PHIP: variants seen among roughly 807,000 people sequenced by gnomAD.
PHIP encodes the protein PHIP subunit of CUL4-Ring ligase complex.
In PHIP, 54 loss-of-function variants were observed where a neutral mutation model predicts 236.8. The observed-to-expected ratio is 0.23, with a 90% confidence interval of 0.18 to 0.29. The LOEUF is 0.29. PHIP is among the 10% of genes least tolerant of loss of function. The pLI is 1.00. For missense variants in PHIP, 1,370 were observed against 2,190.8 expected (o/e 0.63, Z 7.48); for synonymous variants, 756 against 718.9 (o/e 1.05, Z -0.83).
chr6:79,013,147 A>C (rs563991386), intron 15 of PHIP, among the ~76,000 whole-genome samples: 3 of 151,846 alleles, frequency 2.0e-5, no homozygotes, highest in African/African-American at 7.2e-5. Flanking sequence ...CAGTTTCTCC[A>C]TTCCTAAGAC....
chr6:78,997,276 C>G lies in PHIP; in HGVS notation c.2201+138G>C, dbSNP rs528996682. On this transcript the variant is annotated intron_variant, in intron 19 of 39. Transcript: ENST00000275034. ...ATATTTTAGAAACTTAATTTTTCTA[C>G]AGTCATGAATAGTTTATACTGCCCT... The G allele has an allele frequency of 7.4e-6, 4 of 538,580 alleles. No homozygotes were observed. The East Asian group carries it at 1.2e-4, about 16-fold the overall frequency. The allele number at this position is 538,580 out of a possible 1,614,324, so 33.4% of individuals were successfully genotyped here.
chr6:79,047,290 C>A (rs945024349), intron 6 of PHIP, among the ~76,000 whole-genome samples: 1 of 152,168 alleles, frequency 6.6e-6, no homozygotes, highest in African/African-American at 2.4e-5. Context: ...TCATCCATTA[C>A]TTCTTTAGGT....
intron 23 of PHIP, among the ~76,000 whole-genome samples, chr6:78,979,122 G>T (rs1221024710): frequency 6.6e-6 from 1 of 152,054 alleles, no homozygotes; most frequent in Non-Finnish European, 1.5e-5. Context: ...CCTGGATTTT[G>T]TTATCTGCAG....
intron 7 of PHIP, among the ~76,000 whole-genome samples, chr6:79,041,887 TG>T (rs1432570912): frequency 1.3e-5 from 2 of 152,076 alleles, no homozygotes; most frequent in South Asian, 4.1e-4. Context: ...TACAGATGAC[TG>T]GGTGTATGGA....
At chr6:78,955,081 TCAC>T in intron 34 of PHIP, 118 bp from the exon 35 acceptor site, 1 of 892,778 alleles carries the variant, frequency 1.1e-6, no homozygotes, top group Non-Finnish European at 1.7e-6. Flanking sequence ...AAGAAAATAT[TCAC>T]CAAGTTCTAA....
intron 17 of PHIP, among the ~76,000 whole-genome samples, chr6:79,000,966 C>T (rs892688837): frequency 6.6e-6 from 1 of 152,044 alleles, no homozygotes; most frequent in African/African-American, 2.4e-5. Context: ...ATTGCAACTT[C>T]ATGCTAAATC....
chr6:78,946,731 A>G lies in PHIP; in HGVS notation c.4350T>C (p.Val1450=). 1.3e-6 allele frequency: 2 copies of G among 1,581,622 alleles called. No homozygotes were observed. Among genetic ancestry groups the G allele is most frequent in the South Asian group, 2.3e-5 (2 of 85,220 alleles). ...AATACCTTGATGCAGCACTACTGGAAACAGAGCTGCTTCTGTTTCTTTTCT... is the reference window on the plus strand; with the variant it reads ...AATACCTTGATGCAGCACTACTGGAGACAGAGCTGCTTCTGTTTCTTTTCT... The part of the protein sequence containing the change: ...RRKKRNRSSS[V]SSSAASSPER... Residue 1450 remains valine (V), a synonymous_variant, in exon 37 of 40, where the codon GTT becomes GTC. Coordinates refer to ENST00000275034, the MANE Select transcript of PHIP (RefSeq NM_017934.7).
chr6:78,962,850 C>G (rs1297374009), intron 30 of PHIP, among the ~76,000 whole-genome samples: 1 of 152,076 alleles, frequency 6.6e-6, no homozygotes, highest in African/African-American at 2.4e-5. Context: ...CCAGTTTTTT[C>G]AGAGATGCCT....
intron 28 of PHIP, 23 bp downstream of exon 28, chr6:78,965,922 A>T: frequency 6.5e-7 from 1 of 1,544,776 alleles, no homozygotes; most frequent in African/African-American, 1.4e-5. Flanking sequence ...AGGTGAACTA[A>T]AATACAACAA....
At chr6:78,956,567 T>C (rs1014818602) in intron 32 of PHIP, 1 of 152,132 alleles carries the variant, frequency 6.6e-6, no homozygotes, top group African/African-American at 2.4e-5. Flanking sequence ...TAGATTCATA[T>C]TCAAAGCCAC....
At chr6:79,023,957 A>C (rs1446667017) in intron 9 of PHIP, among the ~76,000 whole-genome samples, 1 of 152,244 alleles carries the variant, frequency 6.6e-6, no homozygotes, top group Non-Finnish European at 1.5e-5. Context: ...GTTAAAAAAC[A>C]GTAGCAACAA....
At position 78,997,617 on chromosome 6, in the gene PHIP, T is replaced by C. The variant is rs777509804; in HGVS notation, c.2018-20A>G. ...TGGAGCCTAAGTGAAAAAGTTACTA[T>C]ATTAAGTTCTACTTAGAGATATTTC... On this transcript the variant is annotated intron_variant, in intron 18 of 39. Transcript: ENST00000275034. The C allele has an allele frequency of 1.1e-5, 18 of 1,578,182 alleles. No homozygotes were observed. In the African/African-American group the frequency reaches 1.5e-4, roughly 13 times the overall value.
chr6:78,963,269 G>A lies in PHIP; in HGVS notation c.3380-17C>T. 6.3e-7 allele frequency: 1 copy of A among 1,587,644 alleles called. No homozygotes were observed. Among genetic ancestry groups the A allele is most frequent in the Non-Finnish European group, 8.6e-7 (1 of 1,169,026 alleles). On this transcript the variant is annotated splice_polypyrimidine_tract_variant and intron_variant, in intron 29 of 39. Coordinates refer to ENST00000275034, the MANE Select transcript of PHIP (RefSeq NM_017934.7). ...GAAATACAGCTGAAATAGAAAAGCA[G>A]ATCATTGCAAATACATGGTAACTTA...
intron 27 of PHIP, among the ~76,000 whole-genome samples, chr6:78,967,533 C>T (rs117194599): frequency 0.027 from 4,160 of 152,150 alleles, 84 homozygotes; most frequent in Middle Eastern, 0.061. Flanking sequence ...AATACATTTC[C>T]GAGGAGGGGC....
In PHIP at chr6:78,975,358, T is replaced by C. The variant is rs1234247231; in HGVS notation, c.2889+3234A>G. 3.9e-5 allele frequency among the ~76,000 whole-genome samples: 6 copies of C among 152,342 alleles called. No individual in the cohort carries two copies. In the South Asian group the frequency reaches 1.0e-3, roughly 26 times the overall value. ...CTAAAAACTCTCAATAAATTAGGTA[T>C]TGATGGGACATATTTCAAAATAATC... On this transcript the variant is annotated intron_variant, in intron 24 of 39. Transcript: ENST00000275034.
intron 20 of PHIP, 128 bp from the exon 21 acceptor site, chr6:78,988,477 A>T: frequency 1.7e-6 from 1 of 589,852 alleles, no homozygotes; most frequent in Non-Finnish European, 2.8e-6. Context: ...AGTCCCAGCT[A>T]CTTGGGAAGA....
chr6:78,958,186 CAGTT>C (rs150994929), intron 32 of PHIP: 86 of 218,192 alleles, frequency 3.9e-4, no homozygotes, highest in South Asian at 1.6e-3. Context: ...TATTGTCTAA[CAGTT>C]AGATTGAGAA....
chr6:78,948,830 T>G (rs1203859636), intron 35 of PHIP, among the ~76,000 whole-genome samples: 1 of 152,154 alleles, frequency 6.6e-6, no homozygotes, highest in African/African-American at 2.4e-5. Context: ...TGCGACTATA[T>G]TTTTTGAAGT....
rs768985014 is a variant in PHIP at position 79,077,940 on chromosome 6, C to G, written c.41-27G>C. ...TGCGCGGGAGAGAGGGACGGGGAGA[C>G]ACACAGGCTGAGCGGTCGGGCGGCG... On this transcript the variant is annotated intron_variant, in intron 1 of 39. Transcript: ENST00000275034. 9.4e-6 allele frequency: 15 copies of G among 1,592,628 alleles called. No individual in the cohort carries two copies. In the East Asian group the frequency reaches 3.4e-4, roughly 36 times the overall value.
Sources: allele counts gnomAD v4.1 joint callset (sites outside exome capture counted in the v4.1 genomes callset), GRCh38; gene constraint gnomAD v4.1.1; transcripts MANE v1.5; gene names NCBI Gene and HGNC (gene_info 2026-07-23, HGNC 2026-07-21).